Variants in SLIT1 observed in about 807,000 individuals in gnomAD.
SLIT1 encodes the protein slit homolog 1 protein.
SLIT1 carries 66 observed loss-of-function variants against 186.1 expected under a neutral mutation model. That is an observed-to-expected ratio of 0.35 (90% confidence interval 0.29 to 0.44). The LOEUF (loss-of-function observed/expected upper bound fraction) is 0.44. SLIT1 is among the 20% of genes least tolerant of loss of function. The pLI, the probability that SLIT1 is intolerant of heterozygous loss-of-function variation, is 1.00. For synonymous variants in SLIT1, 761 were observed against 833.8 expected, an observed-to-expected ratio of 0.91 and a Z score of 1.50; for missense variants, 1,638 against 2,037.4, an observed-to-expected ratio of 0.80 and a Z score of 3.77.
At chr10:97,046,901 C>T (rs1259806330) in intron 17 of SLIT1, 90 bp downstream of exon 17, 14 of 1,572,216 alleles carry the variant, frequency 8.9e-6, no homozygotes, top group Admixed American at 3.4e-5. Context: ...CCTGGCCCCC[C>T]GCCGTGGGAG....
chr10:97,137,357 A>G (rs1294138858), intron 4 of SLIT1, among the ~76,000 whole-genome samples: 1 of 152,208 alleles, frequency 6.6e-6, no homozygotes, highest in Admixed American at 6.5e-5. Context: ...TGGGGGGAAA[A>G]ATATCTACAA....
rs1848872195 is a variant in SLIT1 at position 97,059,527 on chromosome 10, G to A, written c.1018C>T (p.Leu340=). 2.5e-6 allele frequency: 4 copies of A among 1,613,574 alleles called. No homozygotes were observed. Among genetic ancestry groups the A allele is most frequent in the Non-Finnish European group, 3.4e-6 (4 of 1,179,772 alleles). The change falls in exon 11 of 37, where the codon CTG becomes TTG. Residue 340 remains leucine (L), a synonymous_variant. Transcript: ENST00000266058. ...SPYRKLRRID[L]SNNQIAEIAP... is the part of the protein sequence containing the mutation. Reference sequence around the variant, plus strand: ...ATCTCAGCGATCTGATTGTTGCTCAGGTCTCTGCAAGGTGAGCAGAAGGAG... The same window carrying A: ...ATCTCAGCGATCTGATTGTTGCTCAAGTCTCTGCAAGGTGAGCAGAAGGAG...
At chr10:97,072,718 A>G (rs550040854) in intron 4 of SLIT1, among the ~76,000 whole-genome samples, 55 of 152,358 alleles carry the variant, frequency 3.6e-4, no homozygotes, top group African/African-American at 1.1e-3. Flanking sequence ...TGGAAGCCTC[A>G]GGAAAATGCA....
chr10:97,152,078 C>T (rs1849886711), intron 4 of SLIT1, among the ~76,000 whole-genome samples: 1 of 152,160 alleles, frequency 6.6e-6, no homozygotes, highest in Non-Finnish European at 1.5e-5. Flanking sequence ...CACCTACTTG[C>T]TCCATGTTTG....
intron 1 of SLIT1, among the ~76,000 whole-genome samples, chr10:97,165,326 C>T (rs148918183): frequency 2.6e-5 from 4 of 152,178 alleles, no homozygotes; most frequent in African/African-American, 7.2e-5. Flanking sequence ...AGCAAGTAAA[C>T]GGCATAGCCT....
At chr10:97,059,232 C>T (rs1848868581) in intron 11 of SLIT1, among the ~76,000 whole-genome samples, 1 of 152,266 alleles carries the variant, frequency 6.6e-6, no homozygotes, top group Non-Finnish European at 1.5e-5. Flanking sequence ...AGCTTCTCCA[C>T]ACTTCTCCCG....
intron 4 of SLIT1, among the ~76,000 whole-genome samples, chr10:97,130,900 T>G (rs1758216039): frequency 6.6e-6 from 1 of 152,176 alleles, no homozygotes; most frequent in South Asian, 2.1e-4. Flanking sequence ...TCCTCCTTTC[T>G]TCTTCCCTAG....
At chr10:97,182,121 T>C (rs948092368) in intron 1 of SLIT1, among the ~76,000 whole-genome samples, 5 of 152,194 alleles carry the variant, frequency 3.3e-5, no homozygotes, top group South Asian at 2.1e-4. Flanking sequence ...TTAGCATCCC[T>C]TCCCTGCCCA....
chr10:97,148,026 G>C (rs895353830), intron 4 of SLIT1, among the ~76,000 whole-genome samples: 4 of 152,088 alleles, frequency 2.6e-5, no homozygotes, highest in African/African-American at 9.7e-5. Flanking sequence ...CAATGAAAAG[G>C]GTGTACAGCA....
chr10:97,142,825 T>G (rs551934265), intron 4 of SLIT1, among the ~76,000 whole-genome samples: 1 of 152,142 alleles, frequency 6.6e-6, no homozygotes, highest in Admixed American at 6.5e-5. Flanking sequence ...GAATAGAAAT[T>G]TCTCCAAAGA....
Position 97,164,778 on chromosome 10 carries a change from C to T in SLIT1, c.269+41G>A, listed in dbSNP as rs372012175. 2.9e-5 allele frequency: 41 copies of T among 1,402,038 alleles called. No homozygotes were observed. The African/African-American group carries it at 5.3e-4, about 18-fold the overall frequency. The allele number at this position is 1,402,038 out of a possible 1,614,324, so 86.8% of individuals were successfully genotyped here. A position where few individuals can be genotyped will look rare whatever the true frequency, so the allele number is the denominator to read the frequency against. On this transcript the variant is annotated intron_variant, in intron 2 of 36. Coordinates refer to ENST00000266058, the MANE Select transcript of SLIT1 (RefSeq NM_003061.3). ...AGGGCCCTGCCCAGGACTGCCGTGG[C>T]ATTGCCAGGGGTGGGGTGGGAGGGA...
intron 4 of SLIT1, among the ~76,000 whole-genome samples, chr10:97,131,195 A>C (rs1849651103): frequency 6.6e-6 from 1 of 152,192 alleles, no homozygotes; most frequent in African/African-American, 2.4e-5. Flanking sequence ...CACAGGCCAG[A>C]AACAGCCTTC....
chr10:97,098,823 G>A (rs1352827440), intron 4 of SLIT1, among the ~76,000 whole-genome samples: 1 of 152,204 alleles, frequency 6.6e-6, no homozygotes, highest in Non-Finnish European at 1.5e-5. Flanking sequence ...CCAAATGGAG[G>A]GATCTGACTT....
At chr10:97,105,329 C>A (rs999537421) in intron 4 of SLIT1, among the ~76,000 whole-genome samples, 1 of 152,168 alleles carries the variant, frequency 6.6e-6, no homozygotes, top group African/African-American at 2.4e-5. Flanking sequence ...AAAACACACA[C>A]AAAAAGGCTG....
At chr10:97,183,075 G>C (rs11189023) in intron 1 of SLIT1, among the ~76,000 whole-genome samples, 24,357 of 151,974 alleles carry the variant, frequency 0.16, 2,435 homozygotes, top group East Asian at 0.26. Context: ...TAGATTGCCT[G>C]CCCTCTGTGC....
At chr10:97,164,285 G>C (rs1164642170) in intron 2 of SLIT1, among the ~76,000 whole-genome samples, 1 of 7,638 alleles carries the variant, frequency 1.3e-4, no homozygotes, top group Non-Finnish European at 4.7e-4. Context: ...GGCAGGGCAG[G>C]GGGGGGAACC....
rs564870589 is a variant in SLIT1 at position 97,121,435 on chromosome 10, C to T, written c.413+36383G>A. 1.8e-4 allele frequency among the ~76,000 whole-genome samples: 28 copies of T among 152,240 alleles called. No homozygotes were observed. The South Asian group carries it at 3.7e-3, about 20-fold the overall frequency. On this transcript the variant is annotated intron_variant, in intron 4 of 36. Transcript: ENST00000266058. The stretch of plus-strand genomic sequence containing the variant: ...TCCCTTCTTAAACACAAATGCACCC[C>T]GACTATGCACCAGGGCCTGTGGAAG...
intron 4 of SLIT1, among the ~76,000 whole-genome samples, chr10:97,091,243 A>G (rs1849227421): frequency 6.6e-6 from 1 of 152,178 alleles, no homozygotes; most frequent in South Asian, 2.1e-4. Context: ...GACACGCTCC[A>G]TGCACCACTC....
chr10:97,051,014 T>C (rs1482097354), intron 13 of SLIT1, among the ~76,000 whole-genome samples: 1 of 152,148 alleles, frequency 6.6e-6, no homozygotes, highest in East Asian at 1.9e-4. Context: ...AAAATAATCG[T>C]GTTAAAGGAA....
Sources: gnomAD v4.1 joint callset for allele counts (sites outside exome capture counted in the v4.1 genomes callset) on GRCh38, gnomAD v4.1.1 for gene constraint, MANE v1.5 for transcripts, NCBI Gene and HGNC (gene_info 2026-07-23, HGNC 2026-07-21) for gene names.